Variants in ZNF385C observed in about 807,000 individuals in gnomAD.
The protein encoded by ZNF385C is CTD-2132N18.2.
ZNF385C carries 28 observed loss-of-function variants against 35.4 expected under a neutral mutation model. The ratio of observed to expected loss-of-function variants is 0.79; its 90% CI spans 0.59 to 1.08. ZNF385C has a LOEUF of 1.08. Among genes scored for constraint, ZNF385C ranks in the 50% least tolerant of loss-of-function variants. The probability of loss-of-function intolerance (pLI) is 0.00; values close to 1 mark genes in which losing one functional copy is unlikely to be tolerated. For missense variants in ZNF385C, 605 were observed against 595.6 expected (o/e 1.02, Z -0.16); for synonymous variants, 248 against 248.2 (o/e 1.00, Z 0.01).
At position 42,050,666 on chromosome 17, in the gene ZNF385C, C is replaced by A. The variant is rs1402968511; in HGVS notation, c.250+12141G>T. The A allele has an allele frequency of 6.6e-6, 1 of 151,638 alleles. No homozygotes were observed. The highest frequency in any genetic ancestry group is 1.5e-5 in the Non-Finnish European group (1 of 67,850). 9.4% of individuals were successfully genotyped at this position (151,638 alleles called of 1,614,324 possible). A position where few individuals can be genotyped will look rare whatever the true frequency, so the allele number is the denominator to read the frequency against. ...GGCAACGGGGGCGAAGAGGCGCCAG[C>A]AGCCAGCGCCGGCCAGGGTCCCGGG... On this transcript the variant is annotated intron_variant, in intron 2 of 8. Coordinates refer to ENST00000692273, the MANE Select transcript of ZNF385C (RefSeq NM_001392013.1). The surrounding 1 kb of genome is among the most constrained non-coding windows in gnomAD (Gnocchi z 5.6).
At chr17:42,068,734 AG>A (rs2053583100) in intron 1 of ZNF385C, among the ~76,000 whole-genome samples, 1 of 152,240 alleles carries the variant, frequency 6.6e-6, no homozygotes, top group East Asian at 1.9e-4. Flanking sequence ...ATTAGAGAAC[AG>A]GCTTTGGGAG....
At chr17:42,035,118 C>CAAAAAAAA (rs1239388932) in intron 3 of ZNF385C, among the ~76,000 whole-genome samples, 1 of 81,448 alleles carries the variant, frequency 1.2e-5, no homozygotes, top group African/African-American at 5.0e-5. Context: ...GACTCTGTCT[C>CAAAAAAAA]AAAAAAAAAA....
intron 1 of ZNF385C, among the ~76,000 whole-genome samples, chr17:42,070,754 C>T (rs1405945606): frequency 6.6e-6 from 1 of 152,198 alleles, no homozygotes; most frequent in Non-Finnish European, 1.5e-5. Flanking sequence ...CCTGGCCCTC[C>T]CTACCAGCCC....
intron 2 of ZNF385C, among the ~76,000 whole-genome samples, chr17:42,048,245 A>C (rs1555656810): frequency 6.6e-6 from 1 of 151,988 alleles, no homozygotes; most frequent in African/African-American, 2.4e-5. Context: ...CCTTATAAAT[A>C]TGCCATTCTT....
chr17:42,041,150 G>A (rs2053010015), intron 2 of ZNF385C: 6 of 1,232,350 alleles, frequency 4.9e-6, no homozygotes, highest in South Asian at 8.2e-5. Flanking sequence ...GCCTTCAGGC[G>A]CTGGCAGGCC....
intron 1 of ZNF385C, among the ~76,000 whole-genome samples, chr17:42,066,619 T>C (rs1220327593): frequency 1.3e-5 from 2 of 152,228 alleles, no homozygotes; most frequent in Non-Finnish European, 2.9e-5. Context: ...GGTTGAATTA[T>C]GTCCCCCAAA....
intron 2 of ZNF385C, chr17:42,041,175 A>G (rs2053010773): frequency 8.1e-7 from 1 of 1,232,502 alleles, no homozygotes; most frequent in African/African-American, 1.5e-5. Context: ...TGTGCAAGAC[A>G]CTGGCAATGG....
At chr17:42,040,390 G>A in intron 2 of ZNF385C, 1 of 1,231,974 alleles carries the variant, frequency 8.1e-7, no homozygotes, top group Non-Finnish European at 1.0e-6. Flanking sequence ...CTGGAGGCGG[G>A]CCCCACCTGA....
At chr17:42,083,293 C>G (rs2053768605) in intron 1 of ZNF385C, among the ~76,000 whole-genome samples, 1 of 151,560 alleles carries the variant, frequency 6.6e-6, no homozygotes, top group African/African-American at 2.4e-5. Context: ...AGCTCTGCCC[C>G]CCGGGTTCAT....
Position 42,026,454 on chromosome 17 carries a change from C to T in ZNF385C, c.*443G>A, listed in dbSNP as rs1226932764. On this transcript the variant is annotated 3_prime_UTR_variant, in exon 9 of 9. Transcript: ENST00000692273. The stretch of plus-strand genomic sequence containing the variant: ...CCCATGGTCACCTTGTCCTGACAGC[C>T]TTGAGCCTGCTGCAGCTAGAGACCC... 9.7e-6 allele frequency: 2 copies of T among 206,236 alleles called. No homozygotes were observed. Among genetic ancestry groups the T allele is most frequent in the Non-Finnish European group, 2.0e-5 (2 of 100,532 alleles). 12.8% of individuals were successfully genotyped at this position (206,236 alleles called of 1,614,324 possible). A position where few individuals can be genotyped will look rare whatever the true frequency, so the allele number is the denominator to read the frequency against.
At chr17:42,097,012 C>T (rs1161395219) in intron 1 of ZNF385C, among the ~76,000 whole-genome samples, 3 of 151,830 alleles carry the variant, frequency 2.0e-5, no homozygotes, top group Non-Finnish European at 2.9e-5. Flanking sequence ...ACTCCCCCCT[C>T]CCCTGCTCGC....
intron 4 of ZNF385C, among the ~76,000 whole-genome samples, chr17:42,032,663 G>A (rs1555655102): frequency 6.6e-6 from 1 of 151,832 alleles, no homozygotes; most frequent in Non-Finnish European, 1.5e-5. Context: ...CTGTGCCCGG[G>A]GTCCGGCAGG....
intron 1 of ZNF385C, among the ~76,000 whole-genome samples, chr17:42,068,046 C>A (rs1304765457): frequency 6.6e-6 from 1 of 152,200 alleles, no homozygotes; most frequent in Non-Finnish European, 1.5e-5. Context: ...GTGTTCCCCC[C>A]AGCCAGGCTG....
intron 1 of ZNF385C, among the ~76,000 whole-genome samples, chr17:42,070,851 G>T (rs1212319946): frequency 6.6e-6 from 1 of 152,204 alleles, no homozygotes; most frequent in South Asian, 2.1e-4. Context: ...CTGGGTACCC[G>T]CTGAGTGTCC....
At position 42,028,883 on chromosome 17, in the gene ZNF385C, G is replaced by T; in HGVS notation, c.867C>A (p.Ser289Arg). ...GPEPAAAAVG[S>R]SMSGEGRSEK... is the part of the protein sequence containing the mutation. ...CACTCCTGCCTTCCCCACTCATGCT[G>T]CTTCCCACGGCAGCTGCCGCTGGCT... Residue 289 changes from serine (S) to arginine (R), a missense_variant, in exon 6 of 9, where the codon AGC (serine) becomes AGA (arginine). Transcript: ENST00000692273. The T allele has an allele frequency of 6.4e-7, 1 of 1,550,608 alleles. No homozygotes were observed. Among genetic ancestry groups the T allele is most frequent in the African/African-American group, 1.4e-5 (1 of 73,190 alleles).
chr17:42,070,241 G>A (rs1457901677), intron 1 of ZNF385C, among the ~76,000 whole-genome samples: 2 of 152,250 alleles, frequency 1.3e-5, no homozygotes, highest in East Asian at 1.9e-4. Context: ...CTACTCAGGA[G>A]GCTGAGGCAG....
At chr17:42,067,624 G>T (rs2053566884) in intron 1 of ZNF385C, among the ~76,000 whole-genome samples, 1 of 152,136 alleles carries the variant, frequency 6.6e-6, no homozygotes, top group Admixed American at 6.5e-5. Flanking sequence ...CACACTGGAG[G>T]TCACTGCCAT....
intron 1 of ZNF385C, among the ~76,000 whole-genome samples, chr17:42,073,128 G>A (rs2053648022): frequency 6.6e-6 from 1 of 152,142 alleles, no homozygotes; most frequent in Non-Finnish European, 1.5e-5. Flanking sequence ...CCATTTTACA[G>A]ACCAGGAAAA....
rs187186343 is a variant in ZNF385C at position 42,086,733 on chromosome 17, A to G, written c.-3+11677T>C. Among the ~76,000 whole-genome samples the G allele has an allele frequency of 1.7e-3, 251 of 151,738 alleles. 6 individuals carry two copies. In the East Asian group the frequency reaches 0.04, roughly 24 times the overall value. On this transcript the variant is annotated intron_variant, in intron 1 of 8. Coordinates refer to ENST00000692273, the MANE Select transcript of ZNF385C (RefSeq NM_001392013.1). ...AAAAAAAAAAAAATCCAATAAATAT[A>G]AATACAGAAAGAAAAAAGTAAAATT...
Sources: allele counts gnomAD v4.1 joint callset (sites outside exome capture counted in the v4.1 genomes callset), GRCh38; gene constraint gnomAD v4.1.1; non-coding constraint Gnocchi (gnomAD v3.1); transcripts MANE v1.5; gene names NCBI Gene and HGNC (gene_info 2026-07-23, HGNC 2026-07-21).